ADAM23: variants seen among roughly 807,000 people sequenced by gnomAD.
ADAM23 encodes the protein disintegrin and metalloproteinase domain-containing protein 23.
In ADAM23, 33 loss-of-function variants were observed where a neutral mutation model predicts 120.1. The ratio of observed to expected loss-of-function variants is 0.27; its 90% CI spans 0.21 to 0.37. ADAM23 has a LOEUF of 0.37. Ranked by LOEUF, ADAM23 falls within the 10% of genes least tolerant of loss-of-function variation. ADAM23 has a pLI of 1.00. For missense variants in ADAM23, 862 were observed against 1,058.2 expected (o/e 0.81, Z 2.57); for synonymous variants, 367 against 375.2 (o/e 0.98, Z 0.25).
At chr2:206,558,744 T>G (rs1378548193) in intron 10 of ADAM23, among the ~76,000 whole-genome samples, 2 of 152,254 alleles carry the variant, frequency 1.3e-5, no homozygotes, top group African/African-American at 2.4e-5. Flanking sequence ...AGTTACATCA[T>G]GCAAAGTGTA....
At chr2:206,501,140 A>C (rs1477192640) in intron 3 of ADAM23, among the ~76,000 whole-genome samples, 1 of 152,096 alleles carries the variant, frequency 6.6e-6, no homozygotes, top group African/African-American at 2.4e-5. Context: ...TTCCAAGAAC[A>C]ACTTGTAGCT....
intron 18 of ADAM23, among the ~76,000 whole-genome samples, chr2:206,582,790 C>T (rs536229338): frequency 1.3e-5 from 2 of 152,224 alleles, no homozygotes; most frequent in South Asian, 2.1e-4. Context: ...TGTCTGAAAA[C>T]GATTGTATCT....
intron 24 of ADAM23, among the ~76,000 whole-genome samples, chr2:206,596,419 C>G (rs947578081): frequency 6.6e-6 from 1 of 152,150 alleles, no homozygotes; most frequent in Non-Finnish European, 1.5e-5. Flanking sequence ...ATACAGTATT[C>G]TTTTTCTCTT....
chr2:206,471,677 A>G (rs752267032), intron 2 of ADAM23, among the ~76,000 whole-genome samples: 4 of 152,118 alleles, frequency 2.6e-5, no homozygotes, highest in Non-Finnish European at 1.5e-5. Context: ...TTCTTGCTTT[A>G]TGACACAAGT....
intron 3 of ADAM23, among the ~76,000 whole-genome samples, chr2:206,487,086 T>C (rs1164333064): frequency 6.6e-6 from 1 of 152,236 alleles, no homozygotes; most frequent in African/African-American, 2.4e-5. Flanking sequence ...AGCTTTAGTT[T>C]CCTTCCGAAG....
At chr2:206,497,391 A>G (rs1696276588) in intron 3 of ADAM23, among the ~76,000 whole-genome samples, 1 of 152,206 alleles carries the variant, frequency 6.6e-6, no homozygotes, top group South Asian at 2.1e-4. Flanking sequence ...AACAGAACCA[A>G]AGACAAAAAC....
At chr2:206,614,396 TGGCTCATGCCTGTAATCCCA>T (rs1322446744) in intron 25 of ADAM23, among the ~76,000 whole-genome samples, 1 of 152,212 alleles carries the variant, frequency 6.6e-6, no homozygotes, top group East Asian at 1.9e-4. Flanking sequence ...CTGGGCATGG[TGGCTCATGCCTGTAATCCCA>T]GGCTGAGGTG....
chr2:206,525,530 G>A (rs1422042202), intron 3 of ADAM23, among the ~76,000 whole-genome samples: 2 of 152,094 alleles, frequency 1.3e-5, no homozygotes, highest in African/African-American at 4.8e-5. Context: ...TGATCAGCCT[G>A]CCCTTAAACT....
intron 15 of ADAM23, among the ~76,000 whole-genome samples, chr2:206,569,658 C>T (rs1008695383): frequency 1.3e-5 from 2 of 152,146 alleles, no homozygotes; most frequent in East Asian, 1.9e-4. Flanking sequence ...TCTAGTCAGC[C>T]CTTCCCTTTT....
Position 206,560,082 on chromosome 2 carries a change from G to A in ADAM23, c.1133G>A (p.Arg378His), listed in dbSNP as rs758258908. 5.0e-5 allele frequency: 81 copies of A among 1,613,928 alleles called. No individual in the cohort carries two copies. Among genetic ancestry groups the A allele is most frequent in the South Asian group, 7.7e-5 (7 of 91,064 alleles). Residue 378 changes from arginine (R) to histidine (H), a missense_variant, in exon 11 of 26, where the codon CGC becomes CAC. Physicochemically the swap from Arg to His is conservative, Grantham distance 29. Transcript: ENST00000264377. The part of the protein sequence containing the change: ...MLHEFSKYRQ[R>H]IKQHADAVHL... Reference sequence around the variant, plus strand: ...CATGAGTTCTCAAAATACCGGCAGCGCATTAAGCAGCATGCTGATGCTGTG... The same window carrying A: ...CATGAGTTCTCAAAATACCGGCAGCACATTAAGCAGCATGCTGATGCTGTG...
Position 206,454,287 on chromosome 2 carries a change from G to A in ADAM23, c.432+8763G>A, listed in dbSNP as rs558788290. On this transcript the variant is annotated intron_variant, in intron 2 of 25. Coordinates refer to ENST00000264377, the MANE Select transcript of ADAM23 (RefSeq NM_003812.4). ...AGTCTTACCATGGCATAGCAGGAAAGAGAGAGAGAGAGAAGTGCCATACAC... is the reference window on the plus strand; with the variant it reads ...AGTCTTACCATGGCATAGCAGGAAAAAGAGAGAGAGAGAAGTGCCATACAC... Among the ~76,000 whole-genome samples the A allele has an allele frequency of 3.4e-3, 522 of 151,390 alleles. 1 individual carries two copies. The highest frequency in any genetic ancestry group is 6.4e-3 in the Non-Finnish European group (430 of 67,704).
chr2:206,558,304 C>T (rs771533163), intron 10 of ADAM23, among the ~76,000 whole-genome samples: 5 of 151,972 alleles, frequency 3.3e-5, no homozygotes, highest in Admixed American at 6.6e-5. Flanking sequence ...ATATTTTTAT[C>T]GGGTATTTTA....
rs920363907 is a variant in ADAM23, at chr2:206,618,889, G to A, written c.*1262G>A. 1.9e-4 allele frequency: 29 copies of A among 152,056 alleles called. No homozygotes were observed. The highest frequency in any genetic ancestry group is 6.8e-4 in the African/African-American group (28 of 41,394). 9.4% of individuals were successfully genotyped at this position (152,056 alleles called of 1,614,324 possible). ...TGCCAAGCTCATGATTTTGGTTTTCGGTTTTGACAATTTTCTTTCCCTGTC... is the reference window on the plus strand; with the variant it reads ...TGCCAAGCTCATGATTTTGGTTTTCAGTTTTGACAATTTTCTTTCCCTGTC... On this transcript the variant is annotated 3_prime_UTR_variant, in exon 26 of 26. Transcript: ENST00000264377.
chr2:206,517,936 C>G (rs780009669), intron 3 of ADAM23, among the ~76,000 whole-genome samples: 5 of 152,162 alleles, frequency 3.3e-5, no homozygotes, highest in Admixed American at 6.5e-5. Flanking sequence ...AATAGTTTCT[C>G]TCTTTTTCTG....
At chr2:206,596,004 C>T in intron 23 of ADAM23, 47 bp from the exon 24 acceptor site, 3 of 1,441,318 alleles carry the variant, frequency 2.1e-6, no homozygotes, top group Non-Finnish European at 2.9e-6. Context: ...CACTATTATT[C>T]TACAAAATAC....
chr2:206,532,569 G>C (rs900590947), intron 4 of ADAM23, among the ~76,000 whole-genome samples: 2 of 151,920 alleles, frequency 1.3e-5, no homozygotes, highest in African/African-American at 4.8e-5. Flanking sequence ...AAACTTACGT[G>C]CTTCATAGAT....
At chr2:206,594,683 A>G in intron 22 of ADAM23, 54 bp from the exon 23 acceptor site, 1 of 1,596,366 alleles carries the variant, frequency 6.3e-7, no homozygotes, top group Non-Finnish European at 8.6e-7. Context: ...TCATTCATGG[A>G]ATGATGTTCT....
intron 18 of ADAM23, among the ~76,000 whole-genome samples, chr2:206,575,405 T>C (rs1458342687): frequency 6.6e-6 from 1 of 152,218 alleles, no homozygotes; most frequent in African/African-American, 2.4e-5. Context: ...GTCATGTGGA[T>C]TTATCAGTTG....
At chr2:206,469,561 C>T (rs1040306441) in intron 2 of ADAM23, among the ~76,000 whole-genome samples, 23 of 152,290 alleles carry the variant, frequency 1.5e-4, no homozygotes, top group African/African-American at 4.8e-4. Context: ...GTGCATAGTC[C>T]GCACAATAGC....
Sources: allele counts gnomAD v4.1 joint callset (sites outside exome capture counted in the v4.1 genomes callset), GRCh38; gene constraint gnomAD v4.1.1; transcripts MANE v1.5; gene names NCBI Gene and HGNC (gene_info 2026-07-23, HGNC 2026-07-21).